DNAH11: variants seen among roughly 807,000 people sequenced by gnomAD.
The protein encoded by DNAH11 is axonemal beta dynein heavy chain 11.
Under a neutral mutation model 526.0 loss-of-function variants are expected in DNAH11, and 442 were observed. That is an observed-to-expected ratio of 0.84 (90% confidence interval 0.78 to 0.91). The LOEUF (loss-of-function observed/expected upper bound fraction) is 0.91, where lower values mean the gene tolerates loss of function less well. Among genes scored for constraint, DNAH11 ranks in the 40% least tolerant of loss-of-function variants. DNAH11 has a pLI of 0.00. For missense variants in DNAH11, 6,989 were observed against 5,448.7 expected, an observed-to-expected ratio of 1.28 and a Z score of -8.90; for synonymous variants, 2,461 against 1,935.9, an observed-to-expected ratio of 1.27 and a Z score of -7.12.
At position 21,892,647 on chromosome 7, in the gene DNAH11, G is replaced by A. The variant is rs752918659; in HGVS notation, c.12730G>A (p.Gly4244Arg). 3.7e-6 allele frequency: 6 copies of A among 1,607,954 alleles called. No individual in the cohort carries two copies. Among genetic ancestry groups the A allele is most frequent in the Non-Finnish European group, 5.1e-6 (6 of 1,176,784 alleles). Residue 4244 changes from glycine to arginine, a missense_variant, in exon 77 of 82, where the codon GGG becomes AGG. By Grantham distance (125) the Gly-to-Arg change is moderately radical. Coordinates refer to ENST00000409508, the MANE Select transcript of DNAH11 (RefSeq NM_001277115.2). ...GAATGCACTCAGTGGTGATGAACTG[G>A]GGCAGTCTACAGAAGAAAAGGTAGA... Reference protein sequence around the residue: ...PRNALSGDELGQSTEEKVKNV... With the variant: ...PRNALSGDELRQSTEEKVKNV...
At chr7:21,698,626 G>C (rs1205231172) in intron 36 of DNAH11, among the ~76,000 whole-genome samples, 1 of 152,072 alleles carries the variant, frequency 6.6e-6, no homozygotes, top group African/African-American at 2.4e-5. Context: ...CTCCATCCAG[G>C]TTGCTGCAAA....
intron 6 of DNAH11, among the ~76,000 whole-genome samples, chr7:21,566,002 CTA>C (rs1783652908): frequency 6.6e-6 from 1 of 152,312 alleles, no homozygotes; most frequent in Admixed American, 6.5e-5. Flanking sequence ...GCGCGGGTCT[CTA>C]TGTAAAACAC....
intron 30 of DNAH11, among the ~76,000 whole-genome samples, chr7:21,665,577 A>G (rs542758851): frequency 1.3e-5 from 2 of 152,228 alleles, no homozygotes; most frequent in East Asian, 1.9e-4. Context: ...AATTATTCAT[A>G]TCCCAGTAGC....
intron 76 of DNAH11, among the ~76,000 whole-genome samples, chr7:21,885,660 G>A (rs1784099869): frequency 6.6e-6 from 1 of 152,104 alleles, no homozygotes; most frequent in Non-Finnish European, 1.5e-5. Context: ...TGATGGGCCT[G>A]CTGATTGCCT....
At chr7:21,571,640 CTT>C (rs1266849127) in intron 7 of DNAH11, among the ~76,000 whole-genome samples, 164 bp from the exon 8 acceptor site, 2 of 152,064 alleles carry the variant, frequency 1.3e-5, no homozygotes, top group African/African-American at 2.4e-5. Flanking sequence ...TTAGCAATGA[CTT>C]TGTTTAATTA....
At chr7:21,577,688 T>G (rs1276175590) in intron 8 of DNAH11, among the ~76,000 whole-genome samples, 1 of 151,672 alleles carries the variant, frequency 6.6e-6, no homozygotes, top group Non-Finnish European at 1.5e-5. Context: ...TGGACTTCTG[T>G]CTCTATTGTA....
intron 74 of DNAH11, among the ~76,000 whole-genome samples, chr7:21,874,113 A>AT (rs202049715): frequency 0.029 from 4,410 of 152,068 alleles, 92 homozygotes; most frequent in African/African-American, 0.056. Flanking sequence ...TTGAAAACAA[A>AT]TGTGGCACAC....
At chr7:21,636,627 A>C (rs958782455) in intron 26 of DNAH11, among the ~76,000 whole-genome samples, 1 of 152,110 alleles carries the variant, frequency 6.6e-6, no homozygotes, top group Non-Finnish European at 1.5e-5. Flanking sequence ...AGTCCTAGCT[A>C]CTTGGGAGGC....
rs538181930 is a variant in DNAH11 at position 21,685,916 on chromosome 7, G to A, written c.5622-1183G>A. Among the ~76,000 whole-genome samples the A allele has an allele frequency of 3.3e-5, 5 of 152,280 alleles. No homozygotes were observed. In the East Asian group the frequency reaches 9.7e-4, roughly 29 times the overall value. ...CCATTGGTTGGAGTTTGGTCACTTG[G>A]CAACTCCTGACTGAAAGGAAGGCAG... On this transcript the variant is annotated intron_variant, in intron 32 of 81. Transcript: ENST00000409508.
chr7:21,665,327 G>T, intron 30 of DNAH11, among the ~76,000 whole-genome samples: 1 of 152,112 alleles, frequency 6.6e-6, no homozygotes, highest in Middle Eastern at 3.2e-3. Context: ...ATACTGGCTA[G>T]TTGGGTTGCT....
chr7:21,808,670 A>G (rs982125890), intron 63 of DNAH11, among the ~76,000 whole-genome samples: 9 of 152,346 alleles, frequency 5.9e-5, no homozygotes, highest in Admixed American at 5.2e-4. Flanking sequence ...TCCACTTAAC[A>G]TAAAGTCCTC....
chr7:21,662,121 A>C (rs747429603), intron 30 of DNAH11, among the ~76,000 whole-genome samples: 6 of 152,104 alleles, frequency 3.9e-5, no homozygotes, highest in Non-Finnish European at 8.8e-5. Context: ...TGCCTGGCCA[A>C]ATGCTATTTT....
At chr7:21,610,263 AAAAC>A (rs1785467040) in intron 20 of DNAH11, among the ~76,000 whole-genome samples, 1 of 152,176 alleles carries the variant, frequency 6.6e-6, no homozygotes, top group Non-Finnish European at 1.5e-5. Context: ...CAAAAAAACA[AAAAC>A]AAAACAGAAA....
chr7:21,727,586 G>A (rs1785182812), intron 45 of DNAH11, among the ~76,000 whole-genome samples: 2 of 152,076 alleles, frequency 1.3e-5, no homozygotes, highest in Non-Finnish European at 1.5e-5. Flanking sequence ...TTTGATCATC[G>A]TATTCTACCT....
At chr7:21,623,744 A>G (rs927797936) in intron 25 of DNAH11, among the ~76,000 whole-genome samples, 1 of 151,376 alleles carries the variant, frequency 6.6e-6, no homozygotes, top group African/African-American at 2.4e-5. Context: ...ATGTTCTCAC[A>G]CATAGGTGGG....
At chr7:21,710,488 C>A in intron 40 of DNAH11, 65 bp from the exon 41 acceptor site, 2 of 1,428,406 alleles carry the variant, frequency 1.4e-6, no homozygotes, top group Non-Finnish European at 1.9e-6. Flanking sequence ...AATAAAAGAG[C>A]TTCCAAGATG....
chr7:21,705,488 T>C lies in DNAH11; in HGVS notation c.6497T>C (p.Val2166Ala), dbSNP rs1784228805. Residue 2166 changes from valine (V) to alanine (A), a missense_variant, in exon 39 of 82, where the codon GTG becomes GCG. Val to Ala is a moderately conservative substitution (Grantham distance 64). Transcript: ENST00000409508. The part of the protein sequence containing the change: ...KVVQLEELLA[V>A]RHSVFVVGNA... ...GTCCAGCTTGAGGAACTGTTGGCTG[T>C]GCGGCACTCGGTCTTTGTAGTTGGA... is the stretch of plus-strand genomic sequence containing the variant. The C allele has an allele frequency of 1.2e-6, 2 of 1,613,608 alleles. No homozygotes were observed. Among genetic ancestry groups the C allele is most frequent in the African/African-American group, 1.3e-5 (1 of 74,896 alleles).
At chr7:21,853,278 T>C (rs1397374890) in intron 67 of DNAH11, among the ~76,000 whole-genome samples, 1 of 152,198 alleles carries the variant, frequency 6.6e-6, no homozygotes, top group Non-Finnish European at 1.5e-5. Context: ...ATTAGACCCT[T>C]ATTTGCTTTC....
chr7:21,628,034 A>C (rs10271140), intron 25 of DNAH11, among the ~76,000 whole-genome samples: 54,694 of 151,610 alleles, frequency 0.36, 10,329 homozygotes, highest in East Asian at 0.54. Flanking sequence ...TACATAGTTG[A>C]TATTATTTGT....
Sources: gnomAD v4.1 joint callset for allele counts (sites outside exome capture counted in the v4.1 genomes callset) on GRCh38, gnomAD v4.1.1 for gene constraint, MANE v1.5 for transcripts, NCBI Gene and HGNC (gene_info 2026-07-23, HGNC 2026-07-21) for gene names.